The following ARMH4 variants were observed in gnomAD, a reference collection of about 807,000 sequenced individuals.
ARMH4 encodes armadillo like helical domain containing 4.
In ARMH4, 49 loss-of-function variants were observed where a neutral mutation model predicts 61.9. The ratio of observed to expected loss-of-function variants is 0.79; its 90% CI spans 0.63 to 1.00. The LOEUF (loss-of-function observed/expected upper bound fraction) is 1.00. Ranked by LOEUF, ARMH4 falls within the 50% of genes least tolerant of loss-of-function variation. ARMH4 has a pLI of 0.00. For missense variants in ARMH4, 934 were observed against 930.0 expected (o/e 1.00, Z -0.06); for synonymous variants, 368 against 341.5 (o/e 1.08, Z -0.85).
chr14:58,082,387 A>T (rs547543636), intron 5 of ARMH4, among the ~76,000 whole-genome samples: 1 of 152,326 alleles, frequency 6.6e-6, no homozygotes, highest in African/African-American at 2.4e-5. Flanking sequence ...GGCCAAAGAT[A>T]AATGGGCTTT....
Position 58,065,256 on chromosome 14 carries a change from G to A in ARMH4, c.2089+31468C>T, listed in dbSNP as rs143559299. Among the ~76,000 whole-genome samples, 857 of 152,254 alleles carry A rather than the reference G, an allele frequency of 5.6e-3. 7 individuals carry two copies. Among genetic ancestry groups the A allele is most frequent in the Middle Eastern group, 0.02 (6 of 294 alleles). On this transcript the variant is annotated intron_variant, in intron 5 of 7. Transcript: ENST00000267485. ...ACTCCATCTTAAAAAAAGAGAGAGA[G>A]AGAGAGAATCTATCTGCATGTGTTG... is the stretch of plus-strand genomic sequence containing the variant.
chr14:58,104,221 A>AC (rs1196418735), intron 4 of ARMH4, among the ~76,000 whole-genome samples: 1 of 152,036 alleles, frequency 6.6e-6, no homozygotes, highest in Non-Finnish European at 1.5e-5. Flanking sequence ...ACCGAGGAGT[A>AC]CTCTCTCTAG....
intron 4 of ARMH4, among the ~76,000 whole-genome samples, chr14:58,104,523 A>G (rs1182632653): frequency 1.3e-5 from 2 of 152,218 alleles, no homozygotes; most frequent in Non-Finnish European, 2.9e-5. Flanking sequence ...ATTCTCTCAT[A>G]ATCTTTTTCT....
At chr14:58,046,919 CA>C (rs1883965114) in intron 5 of ARMH4, among the ~76,000 whole-genome samples, 2 of 152,188 alleles carry the variant, frequency 1.3e-5, no homozygotes, top group African/African-American at 4.8e-5. Context: ...ACCATAAAAC[CA>C]AAACAAATTC....
chr14:58,093,830 T>A (rs1885655463), intron 5 of ARMH4, among the ~76,000 whole-genome samples: 1 of 152,176 alleles, frequency 6.6e-6, no homozygotes, highest in Non-Finnish European at 1.5e-5. Flanking sequence ...ATTTGTTCCT[T>A]GCTTTGGTTC....
chr14:58,139,733 C>T lies in ARMH4; in HGVS notation c.-56-319G>A, dbSNP rs976634494. ...ACATTTGCAATATTCTCTCCAAATT[C>T]CTCTATTAACCATGTAGTCAAATGA... On this transcript the variant is annotated intron_variant, in intron 1 of 7. Transcript: ENST00000267485. Among the ~76,000 whole-genome samples the T allele has an allele frequency of 3.3e-5, 5 of 152,332 alleles. No homozygotes were observed. In the South Asian group the frequency reaches 8.3e-4, roughly 25 times the overall value.
chr14:58,054,542 C>T (rs1341618586), intron 5 of ARMH4, among the ~76,000 whole-genome samples: 6 of 152,146 alleles, frequency 3.9e-5, no homozygotes, highest in African/African-American at 1.4e-4. Flanking sequence ...GTAGTACATA[C>T]AATTTGTATG....
chr14:58,128,232 G>A (rs1886967135), intron 4 of ARMH4, among the ~76,000 whole-genome samples: 1 of 152,120 alleles, frequency 6.6e-6, no homozygotes, highest in Non-Finnish European at 1.5e-5. Context: ...TAAATTCCAG[G>A]TATGTTTTCA....
intron 1 of ARMH4, among the ~76,000 whole-genome samples, chr14:58,146,114 C>G (rs1050959348): frequency 6.6e-6 from 1 of 152,170 alleles, no homozygotes; most frequent in African/African-American, 2.4e-5. Context: ...TTCCTTTTTC[C>G]TCAACACTGT....
chr14:58,031,923 T>G (rs781596964), intron 5 of ARMH4, among the ~76,000 whole-genome samples: 7 of 152,202 alleles, frequency 4.6e-5, no homozygotes, highest in Non-Finnish European at 1.0e-4. Flanking sequence ...CACTCCCTAC[T>G]TAAAACCCCT....
Position 58,085,846 on chromosome 14 carries a change from C to T in ARMH4, c.2089+10878G>A, listed in dbSNP as rs1241001717. ...TAGTGAAACTTTGGTACCATTAACC[C>T]AACAGCTCCTACAGGGCATTAAAGA... On this transcript the variant is annotated intron_variant, in intron 5 of 7. Transcript: ENST00000267485. Among the ~76,000 whole-genome samples the T allele has an allele frequency of 1.3e-5, 2 of 152,056 alleles. 1 individual carries two copies. The highest frequency in any genetic ancestry group is 2.9e-5 in the Non-Finnish European group (2 of 67,964).
chr14:58,060,625 C>T (rs996993374), intron 5 of ARMH4, among the ~76,000 whole-genome samples: 5 of 152,232 alleles, frequency 3.3e-5, no homozygotes, highest in African/African-American at 9.6e-5. Context: ...AAACTGTGCC[C>T]ATCGAATCTG....
chr14:58,018,690 C>T (rs778840788), intron 5 of ARMH4, among the ~76,000 whole-genome samples: 1 of 152,144 alleles, frequency 6.6e-6, no homozygotes, highest in South Asian at 2.1e-4. Flanking sequence ...TCAGTTGGTA[C>T]AGCCATTATA....
chr14:58,099,086 C>T (rs1417976072), intron 4 of ARMH4, among the ~76,000 whole-genome samples: 2 of 152,036 alleles, frequency 1.3e-5, no homozygotes, highest in African/African-American at 2.4e-5. Flanking sequence ...AAAACGGGAT[C>T]TAAAAGATAA....
chr14:58,126,841 T>C (rs1241866764), intron 4 of ARMH4, among the ~76,000 whole-genome samples: 6 of 151,218 alleles, frequency 4.0e-5, no homozygotes, highest in South Asian at 2.1e-4. Flanking sequence ...CTTGCTCTGT[T>C]GCCCAGGCTG....
At chr14:58,049,193 G>C (rs185062802) in intron 5 of ARMH4, among the ~76,000 whole-genome samples, 1 of 150,166 alleles carries the variant, frequency 6.7e-6, no homozygotes, top group Non-Finnish European at 1.5e-5. Context: ...GAGCCGAGAT[G>C]GCACCACTGC....
At chr14:58,036,132 A>T (rs1230546249) in intron 5 of ARMH4, among the ~76,000 whole-genome samples, 4 of 108,856 alleles carry the variant, frequency 3.7e-5, no homozygotes, top group Non-Finnish European at 8.0e-5. Flanking sequence ...CTTGATGAAC[A>T]TTGATGCAAA....
chr14:58,097,380 T>G (rs1051327743), intron 4 of ARMH4, among the ~76,000 whole-genome samples: 1 of 152,246 alleles, frequency 6.6e-6, no homozygotes, highest in Non-Finnish European at 1.5e-5. Context: ...CATCCCTTTA[T>G]AGCTCATAAT....
At chr14:58,007,913 TA>T (rs1402708469) in intron 6 of ARMH4, among the ~76,000 whole-genome samples, 2 of 152,148 alleles carry the variant, frequency 1.3e-5, no homozygotes, top group Admixed American at 6.6e-5. Context: ...CTGTGTTCTT[TA>T]AAAATGTTAA....
Sources: allele counts gnomAD v4.1 joint callset (sites outside exome capture counted in the v4.1 genomes callset), GRCh38; gene constraint gnomAD v4.1.1; transcripts MANE v1.5; gene names NCBI Gene and HGNC (gene_info 2026-07-23, HGNC 2026-07-21).